Variants in NAALADL2 observed in about 807,000 individuals in gnomAD.
The protein encoded by NAALADL2 is N-acetylated alpha-linked acidic dipeptidase like 2.
NAALADL2 carries 76 observed loss-of-function variants against 87.2 expected under a neutral mutation model. The ratio of observed to expected loss-of-function variants is 0.87; its 90% CI spans 0.72 to 1.05. The LOEUF (loss-of-function observed/expected upper bound fraction) is 1.05, where lower values mean the gene tolerates loss of function less well. NAALADL2 is among the 50% of genes least tolerant of loss of function. The probability of loss-of-function intolerance (pLI) is 0.00; values close to 1 mark genes in which losing one functional copy is unlikely to be tolerated. For synonymous variants in NAALADL2, 354 were observed against 331.0 expected, an observed-to-expected ratio of 1.07 and a Z score of -0.75; for missense variants, 1,089 against 945.8, an observed-to-expected ratio of 1.15 and a Z score of -1.99.
chr3:175,292,979 A>G (rs539582371), intron 4 of NAALADL2, among the ~76,000 whole-genome samples: 125 of 140,094 alleles, frequency 8.9e-4, no homozygotes, highest in South Asian at 2.1e-3. Context: ...GGAGCTTGCA[A>G]TGAGCCGAGA....
chr3:175,163,207 G>C (rs1384306364), intron 2 of NAALADL2, among the ~76,000 whole-genome samples: 2 of 151,914 alleles, frequency 1.3e-5, no homozygotes, highest in Non-Finnish European at 2.9e-5. Context: ...GGTTTGAATG[G>C]CTGAAAAAAA....
intron 5 of NAALADL2, among the ~76,000 whole-genome samples, chr3:175,422,400 A>G (rs940016815): frequency 2.8e-4 from 42 of 152,238 alleles, no homozygotes; most frequent in African/African-American, 7.7e-4. Flanking sequence ...CTTAAAGCAT[A>G]TCTAAGATGG....
chr3:174,525,246 T>A (rs1447357659), intron 1 of NAALADL2, among the ~76,000 whole-genome samples: 2 of 152,212 alleles, frequency 1.3e-5, no homozygotes, highest in African/African-American at 4.8e-5. Context: ...ACTGTGCTAG[T>A]CCATTCTTGT....
intron 2 of NAALADL2, among the ~76,000 whole-genome samples, chr3:175,138,183 A>G (rs1729414197): frequency 6.6e-6 from 1 of 152,216 alleles, no homozygotes; most frequent in Non-Finnish European, 1.5e-5. Context: ...ACTGAGGTTC[A>G]AAAAGTCAAA....
At chr3:175,073,968 A>ATC (rs2109174402) in intron 1 of NAALADL2, among the ~76,000 whole-genome samples, 1 of 152,022 alleles carries the variant, frequency 6.6e-6, no homozygotes, top group East Asian at 1.9e-4. Flanking sequence ...TCCATGCACC[A>ATC]TCTCACACAC....
At chr3:174,566,512 C>G (rs1714281391) in intron 2 of NAALADL2, among the ~76,000 whole-genome samples, 1 of 151,664 alleles carries the variant, frequency 6.6e-6, no homozygotes, top group Non-Finnish European at 1.5e-5. Context: ...ATTGCTTTCA[C>G]CAGTTGGACA....
rs1726521989 is a variant in NAALADL2 at position 175,123,894 on chromosome 3, T to C, written c.545+26603T>C. On this transcript the variant is annotated intron_variant, in intron 2 of 13. Transcript: ENST00000454872. The stretch of plus-strand genomic sequence containing the variant: ...ATCATGTTTCTTAAGAACAAAGCTA[T>C]ATGTTATTCAATTTTTGTGTTTTTT... 2.0e-5 allele frequency among the ~76,000 whole-genome samples: 3 copies of C among 152,182 alleles called. No homozygotes were observed. The South Asian group carries it at 6.2e-4, about 32-fold the overall frequency.
intron 2 of NAALADL2, among the ~76,000 whole-genome samples, chr3:174,641,259 C>A (rs1723154903): frequency 6.6e-6 from 1 of 152,146 alleles, no homozygotes; most frequent in African/African-American, 2.4e-5. Context: ...CGGTTGAGAT[C>A]CCAGCCCTGG....
intron 3 of NAALADL2, among the ~76,000 whole-genome samples, chr3:174,809,765 G>A (rs1719949054): frequency 6.6e-6 from 1 of 152,030 alleles, no homozygotes; most frequent in Non-Finnish European, 1.5e-5. Context: ...GATATTATTT[G>A]TATCTGTATT....
chr3:174,471,874 T>G (rs1481059087), intron 1 of NAALADL2, among the ~76,000 whole-genome samples: 1 of 152,206 alleles, frequency 6.6e-6, no homozygotes, highest in African/African-American at 2.4e-5. Flanking sequence ...TACAGGTTAG[T>G]AATTTTAATA....
intron 9 of NAALADL2, among the ~76,000 whole-genome samples, chr3:175,476,322 T>G (rs192293606): frequency 1.3e-3 from 196 of 152,278 alleles, no homozygotes; most frequent in African/African-American, 4.4e-3. Flanking sequence ...TAGGACACAG[T>G]AAGCAGATGA....
Position 175,100,559 on chromosome 3 carries a change from CA to C in NAALADL2, c.545+3269del. On this transcript the variant is annotated intron_variant, in intron 2 of 13. Transcript: ENST00000454872. Reference sequence around the variant, plus strand: ...TGCTGATAAAAGTGCAAAAGAAGGCCAGGGGCAGTGGGTAATGCCTGTAATC... The same window carrying C: ...TGCTGATAAAAGTGCAAAAGAAGGCCGGGGCAGTGGGTAATGCCTGTAATC... Among the ~76,000 whole-genome samples the C allele has an allele frequency of 2.6e-5, 4 of 152,146 alleles. No homozygotes were observed. The South Asian group carries it at 8.3e-4, about 32-fold the overall frequency.
chr3:174,823,629 T>C (rs1721660279), intron 3 of NAALADL2, among the ~76,000 whole-genome samples: 1 of 152,222 alleles, frequency 6.6e-6, no homozygotes, highest in African/African-American at 2.4e-5. Flanking sequence ...TTCATTCTTT[T>C]ATGCCCTTGC....
intron 2 of NAALADL2, among the ~76,000 whole-genome samples, chr3:175,199,732 T>C (rs1739525100): frequency 7.2e-6 from 1 of 138,212 alleles, no homozygotes; most frequent in Admixed American, 7.7e-5. Context: ...TCACATGTGT[T>C]TCTCCTTGTG....
At chr3:174,862,336 G>A (rs1256665773) in intron 1 of NAALADL2, among the ~76,000 whole-genome samples, 2 of 151,974 alleles carry the variant, frequency 1.3e-5, no homozygotes, top group African/African-American at 2.4e-5. Context: ...AGATGGGAGG[G>A]TGACAGCTCC....
intron 3 of NAALADL2, among the ~76,000 whole-genome samples, chr3:174,777,377 A>C (rs920161502): frequency 2.6e-5 from 4 of 152,118 alleles, no homozygotes; most frequent in Non-Finnish European, 5.9e-5. Flanking sequence ...AAGACCCTAA[A>C]ATGATTTAAA....
At chr3:175,703,518 G>A (rs192880229) in intron 11 of NAALADL2, among the ~76,000 whole-genome samples, 75 of 152,190 alleles carry the variant, frequency 4.9e-4, no homozygotes, top group Admixed American at 2.8e-3. Flanking sequence ...CGAGGCGGGC[G>A]GATCACCTGA....
At chr3:174,737,284 A>G (rs987896599) in intron 2 of NAALADL2, among the ~76,000 whole-genome samples, 2 of 152,226 alleles carry the variant, frequency 1.3e-5, no homozygotes, top group Non-Finnish European at 2.9e-5. Flanking sequence ...TACAGGTGTG[A>G]GCCACTGTGC....
At chr3:174,600,411 T>C (rs562766945) in intron 2 of NAALADL2, among the ~76,000 whole-genome samples, 2 of 152,300 alleles carry the variant, frequency 1.3e-5, no homozygotes, top group South Asian at 4.1e-4. Flanking sequence ...GTGACATATG[T>C]ATTTCAATAT....
Sources: allele counts gnomAD v4.1 joint callset (sites outside exome capture counted in the v4.1 genomes callset), GRCh38; gene constraint gnomAD v4.1.1; transcripts MANE v1.5; gene names NCBI Gene and HGNC (gene_info 2026-07-23, HGNC 2026-07-21).